Variants in AVEN observed in about 807,000 individuals in gnomAD.
AVEN encodes the protein apoptosis and caspase activation inhibitor, also known as cell death regulator Aven.
AVEN carries 41 observed loss-of-function variants against 38.1 expected under a neutral mutation model. The observed-to-expected ratio is 1.08, with a 90% CI of 0.84 to 1.40. The LOEUF (loss-of-function observed/expected upper bound fraction) is 1.40. AVEN is among the 40% of genes most tolerant of loss of function. AVEN has a pLI of 0.00. For synonymous variants in AVEN, 206 were observed against 171.8 expected (o/e 1.20, Z -1.56); for missense variants, 605 against 438.8 (o/e 1.38, Z -3.38).
Position 33,867,714 on chromosome 15 carries a change from GGCAGCCA to G in AVEN, c.747_753del (p.Gly250LeufsTer35), listed in dbSNP as rs774405935. The stretch of plus-strand genomic sequence containing the variant: ...GGGTTGTCTTTGCCCAGCAACACAG[GGCAGCCA>G]GCAGCCACAGATTTCAGCTCAAAGA... On this transcript the variant is annotated frameshift_variant, in exon 5 of 6. Transcript: ENST00000306730. LOFTEE classifies it high-confidence loss of function. 24 of 1,614,012 alleles carry G rather than the reference GGCAGCCA, an allele frequency of 1.5e-5. No individual in the cohort carries two copies. The highest frequency in any genetic ancestry group is 2.7e-5 in the African/African-American group (2 of 74,904).
At position 34,039,035 on chromosome 15, in the gene AVEN, C is replaced by T; in HGVS notation, c.12G>A (p.Glu4=). ...GCCCACGGCCTCCCCGAGCTCCTCG[C>T]TCCGCCTGCATCTGGCCGCCGCTGG... MQA[E]RGARGGRGRR... The change falls in exon 1 of 6, where the codon GAG becomes GAA. Residue 4 remains glutamate, a synonymous_variant. Transcript: ENST00000306730. The T allele has an allele frequency of 8.9e-7, 1 of 1,118,618 alleles. No individual in the cohort carries two copies. Among genetic ancestry groups the T allele is most frequent in the Non-Finnish European group, 1.1e-6 (1 of 917,636 alleles). The allele number at this position is 1,118,618 out of a possible 1,614,324, so 69.3% of individuals were successfully genotyped here.
intron 2 of AVEN, among the ~76,000 whole-genome samples, chr15:33,994,753 A>G (rs534765987): frequency 9.8e-5 from 15 of 152,310 alleles, no homozygotes; most frequent in African/African-American, 3.6e-4. Flanking sequence ...CTACTTAGAG[A>G]ATATATGTTA....
At chr15:33,918,239 T>A (rs1597229754) in intron 2 of AVEN, among the ~76,000 whole-genome samples, 1 of 152,050 alleles carries the variant, frequency 6.6e-6, no homozygotes, top group Non-Finnish European at 1.5e-5. Flanking sequence ...CTGGAAAAAA[T>A]TAATCAACAT....
At chr15:33,979,637 T>G (rs1425437459) in intron 2 of AVEN, among the ~76,000 whole-genome samples, 1 of 152,188 alleles carries the variant, frequency 6.6e-6, no homozygotes, top group Middle Eastern at 3.2e-3. Context: ...ATGAAAGATT[T>G]GGACCAAATG....
intron 2 of AVEN, among the ~76,000 whole-genome samples, chr15:33,951,342 A>G (rs1309798799): frequency 6.6e-6 from 1 of 151,866 alleles, no homozygotes; most frequent in East Asian, 1.9e-4. Context: ...ACTTCTAGAC[A>G]TTATTCCCAG....
At chr15:33,864,241 T>C, downstream of AVEN, 1 of 1,414,332 alleles carries the variant, frequency 7.1e-7, no homozygotes, top group African/African-American at 1.4e-5. Context: ...TCCTAAATCT[T>C]GAGACTTAGT....
chr15:33,999,855 T>TA (rs1314675885), intron 2 of AVEN, among the ~76,000 whole-genome samples: 2 of 152,036 alleles, frequency 1.3e-5, no homozygotes, highest in Non-Finnish European at 2.9e-5. Flanking sequence ...AACACAGGAG[T>TA]GTTATATCAC....
chr15:33,991,260 G>A (rs1190502799), intron 2 of AVEN: 1 of 152,136 alleles, frequency 6.6e-6, no homozygotes, highest in Non-Finnish European at 1.5e-5. Flanking sequence ...TAAAAATACA[G>A]ACCTTCTAAC....
intron 5 of AVEN, among the ~76,000 whole-genome samples, chr15:34,058,348 G>T (rs1211645927): frequency 6.6e-6 from 1 of 152,058 alleles, no homozygotes; most frequent in Non-Finnish European, 1.5e-5. Flanking sequence ...GGAGGTCATT[G>T]TTTTGGACTA....
intron 2 of AVEN, 95 bp from the exon 3 acceptor site, chr15:33,876,090 A>G (rs1251647985): frequency 1.2e-5 from 14 of 1,173,682 alleles, no homozygotes; most frequent in Non-Finnish European, 1.7e-5. Flanking sequence ...CCATTTCTGA[A>G]GTGCTCAAAC....
chr15:34,010,911 T>C (rs1182887251), intron 1 of AVEN, among the ~76,000 whole-genome samples: 1 of 152,238 alleles, frequency 6.6e-6, no homozygotes, highest in Non-Finnish European at 1.5e-5. Flanking sequence ...ATATAATCAT[T>C]TGGACCATAA....
At chr15:33,853,182 GCTA>G in the AVEN span, 79 of 1,088,008 alleles carry the variant, frequency 7.3e-5, no homozygotes, top group South Asian at 1.1e-3. Context: ...TAAATGTGAT[GCTA>G]CTTTTATGAT....
chr15:33,866,347 A>C lies in AVEN; in HGVS notation c.*266T>G. On this transcript the variant is annotated 3_prime_UTR_variant, in exon 6 of 6. Coordinates refer to ENST00000306730, the MANE Select transcript of AVEN (RefSeq NM_020371.3). ...GGCTATGTTGTAAACACTGCAAGGA[A>C]GGAGGCTAGAAACAAGGGCCAGAGT... 2 of 497,674 alleles carry C rather than the reference A, an allele frequency of 4.0e-6. No individual in the cohort carries two copies. 30.8% of individuals were successfully genotyped at this position (497,674 alleles called of 1,614,324 possible). A position where few individuals can be genotyped will look rare whatever the true frequency, so the allele number is the denominator to read the frequency against.
intron 1 of AVEN, among the ~76,000 whole-genome samples, chr15:34,035,076 GA>G (rs1273038180): frequency 1.3e-5 from 2 of 152,150 alleles, no homozygotes; most frequent in Non-Finnish European, 2.9e-5. Context: ...AACTTGAATA[GA>G]AAATTAGAGA....
At chr15:33,858,030 C>A, downstream of AVEN, 2 of 1,265,164 alleles carry the variant, frequency 1.6e-6, no homozygotes, top group Non-Finnish European at 2.2e-6. Flanking sequence ...GAGTTAGTTA[C>A]AGAGCACAGC....
chr15:33,857,345 G>A (rs1404906102), downstream of AVEN, among the ~76,000 whole-genome samples: 3 of 152,054 alleles, frequency 2.0e-5, no homozygotes, highest in East Asian at 5.8e-4. Context: ...GTGTGCCTGT[G>A]TCTAGCCTCT....
At chr15:33,880,495 C>G (rs1597185341) in intron 2 of AVEN, among the ~76,000 whole-genome samples, 1 of 152,092 alleles carries the variant, frequency 6.6e-6, no homozygotes, top group East Asian at 1.9e-4. Context: ...CAGGCGGGAC[C>G]CCCTGATGAC....
rs550402648 is a variant in AVEN at position 33,953,120 on chromosome 15, G to A, written c.445+49912C>T. On this transcript the variant is annotated intron_variant, in intron 2 of 5. Transcript: ENST00000306730. ...TCTTCAAGGAGAACTACAAACCACT[G>A]CTCTACGAAATAAAGAGGACACAAA... is the stretch of plus-strand genomic sequence containing the variant. Among the ~76,000 whole-genome samples, 5 of 152,200 alleles carry A rather than the reference G, an allele frequency of 3.3e-5. No individual in the cohort carries two copies. The South Asian group carries it at 6.2e-4, about 19-fold the overall frequency.
At chr15:33,865,273 G>T, downstream of AVEN, 2 of 1,350,718 alleles carry the variant, frequency 1.5e-6, no homozygotes, top group Non-Finnish European at 2.1e-6. Context: ...AACTTCCCAT[G>T]AAATAAAGTC....
Sources: gnomAD v4.1 joint callset for allele counts (sites outside exome capture counted in the v4.1 genomes callset) on GRCh38, gnomAD v4.1.1 for gene constraint, MANE v1.5 for transcripts, NCBI Gene and HGNC (gene_info 2026-07-23, HGNC 2026-07-21) for gene names.